Variants in GRIP1 observed in about 807,000 individuals in gnomAD.
The protein encoded by GRIP1 is glutamate receptor-interacting protein 1.
A neutral mutation model predicts 129.9 loss-of-function variants in GRIP1; 45 were observed. That is an observed-to-expected ratio of 0.35 (90% CI 0.27 to 0.44). The LOEUF (loss-of-function observed/expected upper bound fraction) is 0.44. GRIP1 is among the 20% of genes least tolerant of loss of function. The pLI, the probability that GRIP1 is intolerant of heterozygous loss-of-function variation, is 1.00. For synonymous variants in GRIP1, 530 were observed against 520.8 expected, an observed-to-expected ratio of 1.02 and a Z score of -0.24; for missense variants, 1,196 against 1,396.8, an observed-to-expected ratio of 0.86 and a Z score of 2.29.
intron 2 of GRIP1, among the ~76,000 whole-genome samples, chr12:66,583,393 C>T (rs2063483040): frequency 6.8e-6 from 1 of 147,212 alleles, no homozygotes; most frequent in Non-Finnish European, 1.5e-5. Context: ...CAACAAAAGC[C>T]AAAATTGACA....
In GRIP1 at chr12:66,371,690, T is replaced by C. The variant is rs372985827; in HGVS notation, c.3012+4A>G. The C allele has an allele frequency of 9.4e-6, 15 of 1,588,960 alleles. No individual in the cohort carries two copies. The highest frequency in any genetic ancestry group is 1.7e-5 in the Admixed American group (1 of 60,006). ...CCTAGGGAAAGAAGAGAAAGCTTACTGACCTTGTGCAGCTCCACAGGAGTT... is the reference window on the plus strand; with the variant it reads ...CCTAGGGAAAGAAGAGAAAGCTTACCGACCTTGTGCAGCTCCACAGGAGTT... On this transcript the variant is annotated splice_donor_region_variant and intron_variant, in intron 23 of 24. Transcript: ENST00000359742.
intron 1 of GRIP1, among the ~76,000 whole-genome samples, chr12:66,951,074 C>T (rs1328641205): frequency 2.0e-5 from 3 of 152,154 alleles, no homozygotes; most frequent in African/African-American, 7.2e-5. Context: ...AACAAAAAGT[C>T]ATGTTCCCAC....
Position 66,575,042 on chromosome 12 carries a change from G to C in GRIP1, c.136+21805C>G, listed in dbSNP as rs560890233. Among the ~76,000 whole-genome samples the C allele has an allele frequency of 5.9e-5, 9 of 152,152 alleles. No homozygotes were observed. In the South Asian group the frequency reaches 1.9e-3, roughly 32 times the overall value. On this transcript the variant is annotated intron_variant, in intron 2 of 24. Coordinates refer to ENST00000359742, the MANE Select transcript of GRIP1 (RefSeq NM_001366722.1). Reference sequence around the variant, plus strand: ...CTGCCTCAGCCTCCGAAAGTATTGGGATTACAGGCATTAGCCACCGTGCCC... The same window carrying C: ...CTGCCTCAGCCTCCGAAAGTATTGGCATTACAGGCATTAGCCACCGTGCCC...
chr12:66,758,386 C>G (rs574252463), intron 1 of GRIP1, among the ~76,000 whole-genome samples: 1 of 151,632 alleles, frequency 6.6e-6, no homozygotes, highest in Non-Finnish European at 1.5e-5. Flanking sequence ...ATTACCCCCA[C>G]CCCCGGTTCT....
At chr12:66,355,158 C>T (rs145968643) in intron 23 of GRIP1, among the ~76,000 whole-genome samples, 1 of 152,290 alleles carries the variant, frequency 6.6e-6, no homozygotes, top group East Asian at 1.9e-4. Context: ...GACTGAGAAT[C>T]TGCAGAACTA....
At chr12:66,780,398 G>A (rs1009339379) in intron 1 of GRIP1, among the ~76,000 whole-genome samples, 9 of 152,176 alleles carry the variant, frequency 5.9e-5, no homozygotes, top group African/African-American at 2.2e-4. Flanking sequence ...ATGGGCTCAC[G>A]GCAAGACCCA....
chr12:66,997,685 CA>C (rs1469076598), intron 1 of GRIP1, among the ~76,000 whole-genome samples: 2 of 152,100 alleles, frequency 1.3e-5, no homozygotes, highest in African/African-American at 4.8e-5. Context: ...GAAACCAATG[CA>C]AATGAATTGG....
rs1300773016 is a variant in GRIP1, at chr12:66,392,390, C to T, written c.2382G>A (p.Met794Ile). 2 of 1,613,912 alleles carry T rather than the reference C, an allele frequency of 1.2e-6. No homozygotes were observed. Among genetic ancestry groups the T allele is most frequent in the Admixed American group, 1.7e-5 (1 of 60,022 alleles). The change falls in exon 19 of 25, where the codon ATG becomes ATA. Residue 794 changes from methionine to isoleucine, a missense_variant. Around this residue, in one of 5 missense-constraint regions of GRIP1, gnomAD observed 427 missense variants for 463.3 expected, o/e 0.92. Coordinates refer to ENST00000359742, the MANE Select transcript of GRIP1 (RefSeq NM_001366722.1). ...PAQKPGKLSD[M>I]YPSTVPSVDS... ...CCACACTGGGCACCGTGGAGGGGTA[C>T]ATGTCGGAGAGCTTGCCTGGCTTCT...
chr12:66,640,313 A>G (rs750711977), intron 1 of GRIP1, among the ~76,000 whole-genome samples: 11 of 152,216 alleles, frequency 7.2e-5, no homozygotes, highest in Non-Finnish European at 1.5e-4. Context: ...TACTTAGCAC[A>G]TATTAGTTGC....
chr12:66,572,865 G>T (rs978744115), intron 2 of GRIP1, among the ~76,000 whole-genome samples: 1 of 152,080 alleles, frequency 6.6e-6, no homozygotes, highest in Non-Finnish European at 1.5e-5. Flanking sequence ...TGCCATGGAG[G>T]ACGGTGTTCT....
At chr12:66,725,292 G>A (rs1452622261) in intron 1 of GRIP1, among the ~76,000 whole-genome samples, 1 of 152,038 alleles carries the variant, frequency 6.6e-6, no homozygotes, top group African/African-American at 2.4e-5. Flanking sequence ...AACAGAGTAA[G>A]AGCCTGTCTC....
chr12:66,479,354 C>G (rs866820997), intron 7 of GRIP1, among the ~76,000 whole-genome samples: 1 of 152,040 alleles, frequency 6.6e-6, no homozygotes, highest in Non-Finnish European at 1.5e-5. Context: ...ATATACCCTC[C>G]CAAGACTAAA....
chr12:66,954,281 A>G (rs1461627285), intron 1 of GRIP1, among the ~76,000 whole-genome samples: 1 of 152,188 alleles, frequency 6.6e-6, no homozygotes, highest in Non-Finnish European at 1.5e-5. Context: ...CACCAATAAA[A>G]AATTGCTGCA....
intron 1 of GRIP1, among the ~76,000 whole-genome samples, chr12:66,813,667 GA>G (rs1286448634): frequency 1.2e-4 from 18 of 152,136 alleles, no homozygotes; most frequent in African/African-American, 4.3e-4. Context: ...GATACAGCAT[GA>G]ACAGGAAGGA....
chr12:66,907,981 GGGTTA>G (rs1000593352), intron 1 of GRIP1, among the ~76,000 whole-genome samples: 1 of 151,896 alleles, frequency 6.6e-6, no homozygotes, highest in African/African-American at 2.4e-5. Flanking sequence ...TAGCAAAATT[GGGTTA>G]CCCAAAGTGA....
intron 1 of GRIP1, among the ~76,000 whole-genome samples, chr12:66,851,717 G>T (rs760462250): frequency 6.6e-6 from 1 of 152,032 alleles, no homozygotes; most frequent in Admixed American, 6.6e-5. Context: ...CTTAGCTGTG[G>T]AAACTGGGTA....
chr12:66,621,850 C>A (rs1311751420), intron 1 of GRIP1, among the ~76,000 whole-genome samples: 1 of 152,060 alleles, frequency 6.6e-6, no homozygotes, highest in Non-Finnish European at 1.5e-5. Flanking sequence ...TCTAGTATTG[C>A]TGAGTATCTT....
intron 2 of GRIP1, among the ~76,000 whole-genome samples, chr12:66,562,736 C>A (rs1220093016): frequency 6.6e-6 from 1 of 151,978 alleles, no homozygotes; most frequent in African/African-American, 2.4e-5. Context: ...GCACCATCAC[C>A]CCCGACCCCC....
intron 1 of GRIP1, among the ~76,000 whole-genome samples, chr12:66,715,471 T>TGTGTGTGTGTGTGTGTGAGAGAGA (rs761155485): frequency 1.4e-4 from 15 of 110,134 alleles, no homozygotes; most frequent in African/African-American, 3.0e-4. Context: ...TGTGTGTGTG[T>TGTGTGTGTGTGTGTGTGAGAGAGA]GAGAGAGAGA....
Sources: allele counts gnomAD v4.1 joint callset (sites outside exome capture counted in the v4.1 genomes callset), GRCh38; gene constraint gnomAD v4.1.1; regional missense constraint gnomAD v4.1.1; transcripts MANE v1.5; gene names NCBI Gene and HGNC (gene_info 2026-07-23, HGNC 2026-07-21).